Variants in VANGL2 observed in about 807,000 individuals in gnomAD.
VANGL2 encodes vang-like protein 2.
A neutral mutation model predicts 50.2 loss-of-function variants in VANGL2; 14 were observed. The observed-to-expected ratio is 0.28, with a 90% confidence interval of 0.18 to 0.44. The LOEUF is 0.44. Among genes scored for constraint, VANGL2 ranks in the 20% least tolerant of loss-of-function variants. The pLI is 1.00. For missense variants in VANGL2, 533 were observed against 701.5 expected, an observed-to-expected ratio of 0.76 and a Z score of 2.71; for synonymous variants, 295 against 297.2, an observed-to-expected ratio of 0.99 and a Z score of 0.08.
rs892869706 is a variant in VANGL2, at chr1:160,419,686, G to C, written c.800+77G>C. On this transcript the variant is annotated intron_variant, in intron 4 of 7. Coordinates refer to ENST00000368061, the MANE Select transcript of VANGL2 (RefSeq NM_020335.3). This position sits in a 1 kb window ranked among gnomAD's most constrained non-coding sequence, Gnocchi z 5.8. ...GTGGAGTGACTGCTAGGGTGGGAGG[G>C]TATGATGGTGGGCTGGAGGTGATGG... 2 of 1,550,872 alleles carry C rather than the reference G, an allele frequency of 1.3e-6. No homozygotes were observed. Among genetic ancestry groups the C allele is most frequent in the Non-Finnish European group, 1.7e-6 (2 of 1,156,978 alleles).
At chr1:160,401,218 G>C (rs1356870541) in intron 1 of VANGL2, among the ~76,000 whole-genome samples, 1 of 152,184 alleles carries the variant, frequency 6.6e-6, no homozygotes, top group East Asian at 1.9e-4. Context: ...CGGGGAGCTT[G>C]TGTTGGAGGT....
In VANGL2 at chr1:160,417,509, A is replaced by T. The variant is rs191340237; in HGVS notation, c.192+1327A>T. On this transcript the variant is annotated intron_variant, in intron 3 of 7. Coordinates refer to ENST00000368061, the MANE Select transcript of VANGL2 (RefSeq NM_020335.3). ...CAGAGACAGGTAGCCTCTGCACTGT[A>T]GACATTTAGATGGCCCAGCAGAGGT... Among the ~76,000 whole-genome samples, 29 of 152,340 alleles carry T rather than the reference A, an allele frequency of 1.9e-4. No individual in the cohort carries two copies. In the East Asian group the frequency reaches 5.0e-3, roughly 26 times the overall value.
Position 160,420,470 on chromosome 1 carries a change from A to G in VANGL2, c.860A>G (p.Asn287Ser). Residue 287 changes from asparagine (N) to serine (S), a missense_variant, in exon 5 of 8, where the codon AAC (asparagine) becomes AGC (serine). Coordinates refer to ENST00000368061, the MANE Select transcript of VANGL2 (RefSeq NM_020335.3). The stretch of plus-strand genomic sequence containing the variant: ...TATTACCATGACTTCCCTGTCTACA[A>G]CCCTGCCCTCCTCAACCTGCCCAAG... ...EKYYHDFPVY[N>S]PALLNLPKSV... is the part of the protein sequence containing the mutation. 4 of 1,613,756 alleles carry G rather than the reference A, an allele frequency of 2.5e-6. No individual in the cohort carries two copies. Among genetic ancestry groups the G allele is most frequent in the Non-Finnish European group, 3.4e-6 (4 of 1,179,942 alleles).
intron 1 of VANGL2, among the ~76,000 whole-genome samples, chr1:160,415,313 C>T (rs144927703): frequency 3.3e-5 from 5 of 152,288 alleles, no homozygotes; most frequent in South Asian, 2.1e-4. Context: ...CTTCATGCCT[C>T]GGTTTCCCTG....
chr1:160,426,051 C>T lies in VANGL2; in HGVS notation c.*673C>T, dbSNP rs982232252. On this transcript the variant is annotated 3_prime_UTR_variant, in exon 8 of 8. Coordinates refer to ENST00000368061, the MANE Select transcript of VANGL2 (RefSeq NM_020335.3). ...CTAATGTTTTTGGTTTGTATGGTCA[C>T]GTGACCATAGGCAACCACGTGGAAA... 1.3e-5 allele frequency: 2 copies of T among 152,200 alleles called. No homozygotes were observed. Among genetic ancestry groups the T allele is most frequent in the African/African-American group, 2.4e-5 (1 of 41,438 alleles). The allele number at this position is 152,200 out of a possible 1,614,324, so 9.4% of individuals were successfully genotyped here. A position where few individuals can be genotyped will look rare whatever the true frequency, so the allele number is the denominator to read the frequency against.
At chr1:160,408,056 A>T (rs1351023069) in intron 1 of VANGL2, among the ~76,000 whole-genome samples, 1 of 151,610 alleles carries the variant, frequency 6.6e-6, no homozygotes, top group African/African-American at 2.4e-5. Flanking sequence ...CGGACTAGGA[A>T]TGGGTCTGGG....
In VANGL2 at chr1:160,423,992, G is replaced by A. The variant is rs1392887810; in HGVS notation, c.1074-60G>A. ...CTGCTGGAGTGTTGGAGCTAGGGGAGAGGGGTGGGGTGGGGGAAAGAGAGG... is the reference window on the plus strand; with the variant it reads ...CTGCTGGAGTGTTGGAGCTAGGGGAAAGGGGTGGGGTGGGGGAAAGAGAGG... On this transcript the variant is annotated intron_variant, in intron 6 of 7. Transcript: ENST00000368061. 2.5e-6 allele frequency: 4 copies of A among 1,586,330 alleles called. No individual in the cohort carries two copies. The African/African-American group carries it at 4.0e-5, about 16-fold the overall frequency.
At chr1:160,403,854 G>A (rs972181874) in intron 1 of VANGL2, among the ~76,000 whole-genome samples, 1 of 152,156 alleles carries the variant, frequency 6.6e-6, no homozygotes, top group Middle Eastern at 3.2e-3. Context: ...AGGAATCCCT[G>A]GTCCCCCACC....
rs1433597644 is a variant in VANGL2, at chr1:160,424,076, C to T, written c.1098C>T (p.Ala366=). ...GGCTTGTAGTGGCGGTGGAGGAGGC[C>T]TTCACTCACATTAAGCGGCTGCAGG... ...RARLVVAVEE[A]FTHIKRLQEE... Residue 366 remains alanine (A), a synonymous_variant, in exon 7 of 8, where the codon GCC becomes GCT. Coordinates refer to ENST00000368061, the MANE Select transcript of VANGL2 (RefSeq NM_020335.3). 23 of 1,613,988 alleles carry T rather than the reference C, an allele frequency of 1.4e-5. No homozygotes were observed. Among genetic ancestry groups the T allele is most frequent in the Non-Finnish European group, 1.9e-5 (22 of 1,179,886 alleles).
chr1:160,404,755 C>A (rs1330963558), intron 1 of VANGL2, among the ~76,000 whole-genome samples: 1 of 152,136 alleles, frequency 6.6e-6, no homozygotes, highest in Non-Finnish European at 1.5e-5. Context: ...ACTTCATTCC[C>A]TTTTATAGCT....
chr1:160,416,217 AT>A (rs1339788104), intron 3 of VANGL2, 35 bp downstream of exon 3: 4 of 1,613,264 alleles, frequency 2.5e-6, no homozygotes, highest in Non-Finnish European at 3.4e-6. Flanking sequence ...CAGACCGGGC[AT>A]TTTCAGACTG....
intron 1 of VANGL2, among the ~76,000 whole-genome samples, chr1:160,412,397 C>T (rs967078265): frequency 6.6e-6 from 1 of 151,922 alleles, no homozygotes; most frequent in Admixed American, 6.6e-5. Flanking sequence ...CTTTGAGCCT[C>T]CTAGCAAAAT....
intron 1 of VANGL2, among the ~76,000 whole-genome samples, chr1:160,414,223 A>C (rs976078742): frequency 1.3e-5 from 2 of 152,220 alleles, no homozygotes; most frequent in African/African-American, 4.8e-5. Flanking sequence ...CTGTGGCCTT[A>C]GAATAAAATA....
In VANGL2 at chr1:160,420,305, T is replaced by C. The variant is rs1571246370; in HGVS notation, c.801-106T>C. 27 of 1,455,696 alleles carry C rather than the reference T, an allele frequency of 1.9e-5. No homozygotes were observed. The East Asian group carries it at 6.1e-4, about 33-fold the overall frequency. The allele number at this position is 1,455,696 out of a possible 1,614,324, so 90.2% of individuals were successfully genotyped here. A position where few individuals can be genotyped will look rare whatever the true frequency, so the allele number is the denominator to read the frequency against. On this transcript the variant is annotated intron_variant, in intron 4 of 7. Transcript: ENST00000368061. ...AGGCTTCTCGGAAGCAGCTTGTCCC[T>C]GTCCTGTGTCCTCTCCTGCCCTGCC...
chr1:160,411,839 G>A (rs1650890967), intron 1 of VANGL2, among the ~76,000 whole-genome samples: 1 of 152,076 alleles, frequency 6.6e-6, no homozygotes, highest in Admixed American at 6.6e-5. Flanking sequence ...CCTTCTGGGT[G>A]TGTTTGAAGT....
intron 6 of VANGL2, among the ~76,000 whole-genome samples, chr1:160,421,579 C>G (rs1185741382): frequency 6.6e-6 from 1 of 152,160 alleles, no homozygotes; most frequent in Non-Finnish European, 1.5e-5. Context: ...AGAAACAGGT[C>G]TCTGACCTCT....
At chr1:160,401,315 G>T (rs2101939498) in intron 1 of VANGL2, among the ~76,000 whole-genome samples, 1 of 152,284 alleles carries the variant, frequency 6.6e-6, no homozygotes, top group African/African-American at 2.4e-5. Flanking sequence ...GGAGCGTGGG[G>T]AGGGACGGAG....
At chr1:160,415,036 C>T (rs181906419) in intron 1 of VANGL2, among the ~76,000 whole-genome samples, 25 of 152,340 alleles carry the variant, frequency 1.6e-4, no homozygotes, top group African/African-American at 4.8e-4. Flanking sequence ...CCCTCACCCT[C>T]ACCTGGGGCT....
intron 1 of VANGL2, among the ~76,000 whole-genome samples, chr1:160,406,220 C>A (rs902674893): frequency 6.6e-6 from 1 of 152,238 alleles, no homozygotes; most frequent in Non-Finnish European, 1.5e-5. Flanking sequence ...GACTTCAGTG[C>A]TCTTCCTTTT....
Sources: gnomAD v4.1 joint callset for allele counts (sites outside exome capture counted in the v4.1 genomes callset) on GRCh38, gnomAD v4.1.1 for gene constraint, Gnocchi (gnomAD v3.1) non-coding constraint, MANE v1.5 for transcripts, NCBI Gene and HGNC (gene_info 2026-07-23, HGNC 2026-07-21) for gene names.